CUX1: variants seen among roughly 807,000 people sequenced by gnomAD.
The protein encoded by CUX1 is protein CASP.
Under a neutral mutation model 158.8 loss-of-function variants are expected in CUX1, and 31 were observed. The ratio of observed to expected loss-of-function variants is 0.20; its 90% CI spans 0.15 to 0.26. The LOEUF is 0.26. Ranked by LOEUF, CUX1 falls within the 10% of genes least tolerant of loss-of-function variation. The pLI is 1.00. For synonymous variants in CUX1, 879 were observed against 862.1 expected, an observed-to-expected ratio of 1.02 and a Z score of -0.34; for missense variants, 1,589 against 2,014.6, an observed-to-expected ratio of 0.79 and a Z score of 4.04.
In CUX1 at chr7:102,197,482, G is replaced by C. The variant is rs78224217; in HGVS notation, c.1894+177G>C. Among the ~76,000 whole-genome samples the C allele has an allele frequency of 8.6e-3, 1,308 of 152,310 alleles. 11 individuals carry two copies. The highest frequency in any genetic ancestry group is 0.03 in the African/African-American group (1,248 of 41,564). ...CAAGGGTGGCCCGGCATGAGTTAAG[G>C]CTGTTAGATTTGGGAGATCTGGCCT... On this transcript the variant is annotated intron_variant, in intron 15 of 23. Transcript: ENST00000292535.
At chr7:102,034,708 G>T (rs528765497) in intron 3 of CUX1, among the ~76,000 whole-genome samples, 3 of 149,518 alleles carry the variant, frequency 2.0e-5, no homozygotes, top group African/African-American at 7.4e-5. Flanking sequence ...AGCCGGGATC[G>T]TGCCACTGCA....
Position 102,198,880 on chromosome 7 carries a change from C to T in CUX1, c.1960+13C>T. The T allele has an allele frequency of 6.2e-7, 1 of 1,613,392 alleles. No individual in the cohort carries two copies. The highest frequency in any genetic ancestry group is 8.5e-7 in the Non-Finnish European group (1 of 1,179,300). ...AATGGGTCTGAAGGTATGTTGCAGG[C>T]AGGCGTTTTCTTTGCAGTCAGTCAC... On this transcript the variant is annotated intron_variant, in intron 16 of 23. Transcript: ENST00000292535.
intron 1 of CUX1, among the ~76,000 whole-genome samples, chr7:101,898,434 A>T (rs13229243): frequency 5.9e-5 from 9 of 152,016 alleles, no homozygotes; most frequent in South Asian, 2.1e-4. Flanking sequence ...GGGACGGGGA[A>T]GTCTCCAATG....
intron 2 of CUX1, among the ~76,000 whole-genome samples, chr7:101,927,803 C>CTTAGGCAATTCTTAGGTAATTAAT (rs1563020635): frequency 6.6e-6 from 1 of 152,104 alleles, no homozygotes; most frequent in East Asian, 1.9e-4. Flanking sequence ...AGGTAATTAA[C>CTTAGGCAATTCTTAGGTAATTAAT]GAGGAGCTAA....
chr7:102,118,164 A>G (rs535667036), intron 8 of CUX1, among the ~76,000 whole-genome samples: 3 of 152,390 alleles, frequency 2.0e-5, no homozygotes, highest in South Asian at 4.1e-4. Flanking sequence ...ATGTTTGTGA[A>G]TATAAGCCCC....
intron 22 of CUX1, among the ~76,000 whole-genome samples, chr7:102,234,631 T>C (rs1215183507): frequency 1.3e-5 from 2 of 151,948 alleles, no homozygotes; most frequent in African/African-American, 4.8e-5. Context: ...AAGAAATGCA[T>C]TTTGTAGGCA....
At chr7:101,894,337 G>A (rs557237736) in intron 1 of CUX1, among the ~76,000 whole-genome samples, 1 of 152,278 alleles carries the variant, frequency 6.6e-6, no homozygotes, top group African/African-American at 2.4e-5. Flanking sequence ...TTTTTGAGAC[G>A]GAGTCTCGCT....
chr7:102,189,365 C>T (rs10271547), intron 11 of CUX1, among the ~76,000 whole-genome samples: 2 of 60,374 alleles, frequency 3.3e-5, no homozygotes, highest in African/African-American at 5.4e-5. Context: ...TTTTTGGGTG[C>T]GGGGGGGGAT....
chr7:102,059,580 T>C (rs1824542879), intron 3 of CUX1, among the ~76,000 whole-genome samples: 1 of 145,632 alleles, frequency 6.9e-6, no homozygotes, highest in Non-Finnish European at 1.5e-5. Context: ...TGCAGTGAGC[T>C]GAGATCGTGC....
At chr7:101,962,532 G>A (rs116011574) in intron 2 of CUX1, among the ~76,000 whole-genome samples, 40 of 152,288 alleles carry the variant, frequency 2.6e-4, no homozygotes, top group African/African-American at 9.1e-4. Context: ...TGTCTGCCAT[G>A]GGTTCTGGTT....
intron 6 of CUX1, among the ~76,000 whole-genome samples, chr7:102,110,515 G>T (rs1169121933): frequency 2.0e-5 from 3 of 152,174 alleles, no homozygotes; most frequent in African/African-American, 7.2e-5. Context: ...TTACGCTGTA[G>T]TGTGTTATGT....
In CUX1 at chr7:102,202,007, G is replaced by A. The variant is rs1370224325; in HGVS notation, c.2710G>A (p.Glu904Lys). The change falls in exon 18 of 24, where the codon GAG (glutamate) becomes AAG (lysine). Residue 904 changes from glutamate (E) to lysine (K), a missense_variant. This residue lies in a region of CUX1 where 337 missense variants were observed against 409.3 expected (regional missense o/e 0.82). Transcript: ENST00000292535. ...ELSLTGASRSETPQNSPLPSS... is the reference protein window; with the variant it reads ...ELSLTGASRSKTPQNSPLPSS... Reference sequence around the variant, plus strand: ...GAGTCTGACCGGGGCCAGCCGCAGCGAGACACCACAGAACAGCCCCCTGCC... The same window carrying A: ...GAGTCTGACCGGGGCCAGCCGCAGCAAGACACCACAGAACAGCCCCCTGCC... 3.7e-6 allele frequency: 6 copies of A among 1,613,982 alleles called. No homozygotes were observed. The highest frequency in any genetic ancestry group is 2.2e-5 in the East Asian group (1 of 44,862).
At chr7:102,091,816 T>C (rs1188980950) in intron 4 of CUX1, among the ~76,000 whole-genome samples, 3 of 152,028 alleles carry the variant, frequency 2.0e-5, no homozygotes, top group African/African-American at 7.2e-5. Flanking sequence ...AGTGTAGTGG[T>C]GTGACCTCGG....
intron 1 of CUX1, among the ~76,000 whole-genome samples, chr7:101,861,729 C>T (rs939105878): frequency 1.7e-4 from 26 of 151,910 alleles, no homozygotes; most frequent in African/African-American, 6.0e-4. Context: ...ATGTGTCAGT[C>T]ACTCATAATC....
intron 2 of CUX1, among the ~76,000 whole-genome samples, chr7:101,973,198 C>A (rs1812196128): frequency 6.6e-6 from 1 of 152,078 alleles, no homozygotes; most frequent in Admixed American, 6.6e-5. Flanking sequence ...AGAGGCTGGG[C>A]CCCTTTAGAT....
chr7:101,897,906 A>C (rs1213245245), intron 1 of CUX1, among the ~76,000 whole-genome samples: 1 of 152,146 alleles, frequency 6.6e-6, no homozygotes, highest in Non-Finnish European at 1.5e-5. Flanking sequence ...TTTTGTCTAA[A>C]AACCAAAACC....
chr7:101,965,860 A>AG (rs1017822477), intron 2 of CUX1, among the ~76,000 whole-genome samples: 1 of 150,614 alleles, frequency 6.6e-6, no homozygotes, highest in African/African-American at 2.4e-5. Context: ...AAAAAAAAAA[A>AG]AAAAAAAAAA....
chr7:101,894,050 C>T (rs568373646), intron 1 of CUX1, among the ~76,000 whole-genome samples: 2 of 152,328 alleles, frequency 1.3e-5, no homozygotes, highest in East Asian at 3.9e-4. Context: ...AAATCTCTTG[C>T]TCCAAAGTCC....
intron 11 of CUX1, among the ~76,000 whole-genome samples, chr7:102,182,911 A>G (rs782455294): frequency 4.6e-5 from 7 of 152,204 alleles, no homozygotes; most frequent in African/African-American, 9.6e-5. Flanking sequence ...AGGAGAAATT[A>G]TATTTTTCTA....
Sources: allele counts gnomAD v4.1 joint callset (sites outside exome capture counted in the v4.1 genomes callset), GRCh38; gene constraint gnomAD v4.1.1; regional missense constraint gnomAD v4.1.1; transcripts MANE v1.5; gene names NCBI Gene and HGNC (gene_info 2026-07-23, HGNC 2026-07-21).